The following CGAS variants were observed in gnomAD, a reference collection of about 807,000 sequenced individuals.
The protein encoded by CGAS is cyclic GMP-AMP synthase, also known as 2'3'-cGAMP synthase.
Under a neutral mutation model 34.0 loss-of-function variants are expected in CGAS, and 31 were observed. That is an observed-to-expected ratio of 0.91 (90% CI 0.69 to 1.23). The LOEUF (loss-of-function observed/expected upper bound fraction) is 1.23. Among genes scored for constraint, CGAS ranks in the 50% most tolerant of loss-of-function variants. The pLI, the probability that CGAS is intolerant of heterozygous loss-of-function variation, is 0.00. For synonymous variants in CGAS, 266 were observed against 260.0 expected, an observed-to-expected ratio of 1.02 and a Z score of -0.22; for missense variants, 597 against 657.6, an observed-to-expected ratio of 0.91 and a Z score of 1.01.
In CGAS at chr6:73,424,978, C is replaced by G. The variant is rs896145491; in HGVS notation, c.*249G>C. 3 of 269,204 alleles carry G rather than the reference C, an allele frequency of 1.1e-5. No individual in the cohort carries two copies. The highest frequency in any genetic ancestry group is 2.1e-5 in the Non-Finnish European group (3 of 142,566). 16.7% of individuals were successfully genotyped at this position (269,204 alleles called of 1,614,324 possible). On this transcript the variant is annotated 3_prime_UTR_variant, in exon 5 of 5. Transcript: ENST00000370315. ...AAGTGATTCTCATGTCTAAGCCTCC[C>G]GAGTAGCTGGGATTACAGGCATGCA...
intron 2 of CGAS, among the ~76,000 whole-genome samples, chr6:73,441,295 C>A (rs1455548617): frequency 6.6e-6 from 1 of 151,808 alleles, no homozygotes; most frequent in African/African-American, 2.4e-5. Flanking sequence ...TGGAGGGAAG[C>A]CTAGAGGAGA....
chr6:73,449,634 A>G (rs902635988), intron 1 of CGAS, among the ~76,000 whole-genome samples: 1 of 152,198 alleles, frequency 6.6e-6, no homozygotes, highest in East Asian at 1.9e-4. Flanking sequence ...CATAATAAGA[A>G]TCATGCTCAA....
chr6:73,449,280 G>T (rs1380804103), intron 1 of CGAS, among the ~76,000 whole-genome samples: 1 of 151,856 alleles, frequency 6.6e-6, no homozygotes. Flanking sequence ...ATAGAGACCA[G>T]CCTGGCTAAC....
In CGAS at chr6:73,445,656, A is replaced by G. The variant is rs750518997; in HGVS notation, c.749T>C (p.Phe250Ser). The G allele has an allele frequency of 6.2e-7, 1 of 1,613,058 alleles. No individual in the cohort carries two copies. The highest frequency in any genetic ancestry group is 8.5e-7 in the Non-Finnish European group (1 of 1,179,606). The part of the protein sequence containing the change: ...EEYSNTRAYY[F>S]VKFKRNPKEN... ...TTTCGGATTTCTTTTAAATTTCACA[A>G]AGTAATATGCACGAGTGTTGGAATA... The change falls in exon 2 of 5, where the codon TTT (phenylalanine) becomes TCT (serine). Residue 250 changes from phenylalanine to serine, a missense_variant. Physicochemically the swap from Phe to Ser is radical, Grantham distance 155. Coordinates refer to ENST00000370315, the MANE Select transcript of CGAS (RefSeq NM_138441.3).
chr6:73,425,762 A>G (rs539928051), intron 4 of CGAS, among the ~76,000 whole-genome samples, 184 bp from the exon 5 acceptor site: 72 of 150,658 alleles, frequency 4.8e-4, no homozygotes, highest in African/African-American at 1.7e-3. Context: ...ATCACCTAAG[A>G]TCAAGAGTTT....
intron 1 of CGAS, among the ~76,000 whole-genome samples, chr6:73,450,907 G>A (rs2150019363): frequency 6.6e-6 from 1 of 150,466 alleles, no homozygotes; most frequent in Non-Finnish European, 1.5e-5. Flanking sequence ...GGAGAATGGC[G>A]TGAACCCGGG....
chr6:73,435,217 A>G (rs1419058902), intron 3 of CGAS, among the ~76,000 whole-genome samples: 1 of 152,160 alleles, frequency 6.6e-6, no homozygotes, highest in Non-Finnish European at 1.5e-5. Flanking sequence ...TCTCTGTACT[A>G]TCTTCACAAT....
intron 3 of CGAS, among the ~76,000 whole-genome samples, chr6:73,429,871 T>C (rs956457269): frequency 6.6e-6 from 1 of 152,120 alleles, no homozygotes; most frequent in African/African-American, 2.4e-5. Context: ...CTAGCTCTTT[T>C]ATGCTCTGAC....
At chr6:73,425,765 A>G (rs992951364) in intron 4 of CGAS, among the ~76,000 whole-genome samples, 187 bp from the exon 5 acceptor site, 1 of 151,338 alleles carries the variant, frequency 6.6e-6, no homozygotes, top group Non-Finnish European at 1.5e-5. Context: ...ACCTAAGATC[A>G]AGAGTTTGAG....
chr6:73,429,002 C>A (rs1770136803), intron 3 of CGAS, among the ~76,000 whole-genome samples, 191 bp from the exon 4 acceptor site: 1 of 151,828 alleles, frequency 6.6e-6, no homozygotes, highest in African/African-American at 2.4e-5. Context: ...GCCTGACCAA[C>A]ATGGAGAAAC....
At chr6:73,447,620 T>C (rs1330879258) in intron 1 of CGAS, among the ~76,000 whole-genome samples, 1 of 151,998 alleles carries the variant, frequency 6.6e-6, no homozygotes, top group Non-Finnish European at 1.5e-5. Context: ...ATGGGGTCTC[T>C]AGGCTGGAGT....
At chr6:73,438,203 C>A (rs1224825685) in intron 3 of CGAS, among the ~76,000 whole-genome samples, 1 of 152,192 alleles carries the variant, frequency 6.6e-6, no homozygotes, top group African/African-American at 2.4e-5. Flanking sequence ...TGTCTCCAAT[C>A]TAGTACAAGT....
rs1770058749 is a variant in CGAS at position 73,424,907 on chromosome 6, G to A, written c.*320C>T. The stretch of plus-strand genomic sequence containing the variant: ...CTTGCTCTGTCACCCAGGATGGAGT[G>A]CAGTGGTGCCATCTTGACTCACTGC... On this transcript the variant is annotated 3_prime_UTR_variant, in exon 5 of 5. Coordinates refer to ENST00000370315, the MANE Select transcript of CGAS (RefSeq NM_138441.3). 1 of 160,762 alleles carries A rather than the reference G, an allele frequency of 6.2e-6. No homozygotes were observed. Among genetic ancestry groups the A allele is most frequent in the Admixed American group, 6.5e-5 (1 of 15,478 alleles). The allele number at this position is 160,762 out of a possible 1,614,324, so 10.0% of individuals were successfully genotyped here.
chr6:73,434,767 C>G (rs1056611159), intron 3 of CGAS, among the ~76,000 whole-genome samples: 4 of 151,980 alleles, frequency 2.6e-5, no homozygotes, highest in African/African-American at 9.7e-5. Context: ...CTGTCTCGGC[C>G]TCCTGAGTAG....
At position 73,452,050 on chromosome 6, in the gene CGAS, G is replaced by C. The variant is rs1024507349; in HGVS notation, c.132C>G (p.Ala44=). ...GGCCGAACTTTCCCGCCTTAGGCAGGGCGGCCTCGGGGGCAGCCGGAGACT... is the reference window on the plus strand; with the variant it reads ...GGCCGAACTTTCCCGCCTTAGGCAGCGCGGCCTCGGGGGCAGCCGGAGACT... ...PTESPAAPEA[A]LPKAGKFGPA... Residue 44 remains alanine, a synonymous_variant, in exon 1 of 5, where the codon GCC becomes GCG. Transcript: ENST00000370315. 1 of 1,518,396 alleles carries C rather than the reference G, an allele frequency of 6.6e-7. No homozygotes were observed. The highest frequency in any genetic ancestry group is 1.4e-5 in the African/African-American group (1 of 71,476). 94.1% of individuals were successfully genotyped at this position (1,518,396 alleles called of 1,614,324 possible).
At chr6:73,425,641 C>T in intron 4 of CGAS, 63 bp from the exon 5 acceptor site, 1 of 1,041,184 alleles carries the variant, frequency 9.6e-7, no homozygotes, top group Non-Finnish European at 1.4e-6. Context: ...GGATTTTAGG[C>T]ATCTCATAGC....
intron 3 of CGAS, among the ~76,000 whole-genome samples, chr6:73,438,699 A>C (rs949878129): frequency 6.6e-6 from 1 of 151,318 alleles, no homozygotes; most frequent in Non-Finnish European, 1.5e-5. Flanking sequence ...CGTCTCAAAA[A>C]AAAAAAAAAA....
intron 2 of CGAS, among the ~76,000 whole-genome samples, chr6:73,443,279 G>A (rs950700346): frequency 6.5e-5 from 8 of 123,178 alleles, no homozygotes; most frequent in Admixed American, 1.1e-4. Flanking sequence ...TCACTCTGTC[G>A]CCCAGGCTGG....
At chr6:73,435,946 T>A (rs1282249799) in intron 3 of CGAS, among the ~76,000 whole-genome samples, 1 of 152,138 alleles carries the variant, frequency 6.6e-6, no homozygotes. Context: ...AAACAGCTTA[T>A]AATTTTTTTG....
Sources: allele counts gnomAD v4.1 joint callset (sites outside exome capture counted in the v4.1 genomes callset), GRCh38; gene constraint gnomAD v4.1.1; transcripts MANE v1.5; gene names NCBI Gene and HGNC (gene_info 2026-07-23, HGNC 2026-07-21).